PPEF2: variants seen among roughly 807,000 people sequenced by gnomAD.
PPEF2 encodes the protein protein phosphatase with EF-hand domain 2, also known as serine/threonine-protein phosphatase with EF-hands 2.
Under a neutral mutation model 84.7 loss-of-function variants are expected in PPEF2, and 84 were observed. The observed-to-expected ratio is 0.99, with a 90% CI of 0.83 to 1.19. PPEF2 has a LOEUF of 1.19. Ranked by LOEUF, PPEF2 falls within the 50% of genes most tolerant of loss-of-function variation. The pLI, the probability that PPEF2 is intolerant of heterozygous loss-of-function variation, is 0.00. For missense variants in PPEF2, 924 were observed against 937.5 expected (o/e 0.99, Z 0.19); for synonymous variants, 346 against 345.2 (o/e 1.00, Z -0.03).
chr4:75,897,891 T>C (rs1725043682), intron 1 of PPEF2, among the ~76,000 whole-genome samples: 1 of 151,852 alleles, frequency 6.6e-6, no homozygotes, highest in African/African-American at 2.4e-5. Context: ...CACACAGAAA[T>C]ATAGAGGTGC....
chr4:75,900,952 G>T (rs1165916617), intron 1 of PPEF2, among the ~76,000 whole-genome samples: 1 of 152,096 alleles, frequency 6.6e-6, no homozygotes, highest in Non-Finnish European at 1.5e-5. Flanking sequence ...TATAAAAAAA[G>T]TCAGTAAGTA....
chr4:75,871,919 A>G, intron 13 of PPEF2, 106 bp downstream of exon 13: 1 of 1,279,414 alleles, frequency 7.8e-7, no homozygotes, highest in Non-Finnish European at 1.1e-6. Context: ...CCAAATTCTG[A>G]ATTCTCACGT....
At chr4:75,900,944 TA>T (rs1263865395) in intron 1 of PPEF2, among the ~76,000 whole-genome samples, 1 of 152,036 alleles carries the variant, frequency 6.6e-6, no homozygotes, top group Non-Finnish European at 1.5e-5. Flanking sequence ...ATCATCTGTA[TA>T]AAAAAAGTCA....
chr4:75,884,890 G>A (rs1480999575), intron 7 of PPEF2, 130 bp from the exon 8 acceptor site: 14 of 745,222 alleles, frequency 1.9e-5, no homozygotes, highest in Non-Finnish European at 2.6e-5. Flanking sequence ...TCTCCTCCAA[G>A]CCTGAAATGT....
intron 8 of PPEF2, among the ~76,000 whole-genome samples, chr4:75,884,145 C>T (rs1724657408): frequency 6.6e-6 from 1 of 151,720 alleles, no homozygotes; most frequent in Non-Finnish European, 1.5e-5. Context: ...AAAAGAAAAT[C>T]TGGCTGTGTG....
chr4:75,895,265 TA>T (rs1298548619), intron 2 of PPEF2, among the ~76,000 whole-genome samples: 8 of 146,672 alleles, frequency 5.5e-5, no homozygotes, highest in African/African-American at 2.0e-4. Flanking sequence ...CCGTCTCTAC[TA>T]AAAATTCAAA....
chr4:75,880,355 C>G (rs936358316), intron 10 of PPEF2, among the ~76,000 whole-genome samples: 1 of 152,158 alleles, frequency 6.6e-6, no homozygotes, highest in Non-Finnish European at 1.5e-5. Flanking sequence ...AGGACTGAAT[C>G]CAGATAGTCT....
intron 7 of PPEF2, 118 bp from the exon 8 acceptor site, chr4:75,884,878 G>T: frequency 2.3e-6 from 2 of 853,462 alleles, no homozygotes; most frequent in Non-Finnish European, 3.6e-6. Flanking sequence ...GTGCTTTCTA[G>T]GTCTCCTCCA....
chr4:75,864,855 T>C (rs1315462122), intron 15 of PPEF2, among the ~76,000 whole-genome samples: 4 of 152,198 alleles, frequency 2.6e-5, no homozygotes, highest in Admixed American at 6.5e-5. Context: ...CATAATGAGA[T>C]ATCTTGGGTA....
chr4:75,889,550 A>G (rs184067379), intron 5 of PPEF2, among the ~76,000 whole-genome samples: 50 of 152,270 alleles, frequency 3.3e-4, no homozygotes, highest in African/African-American at 1.0e-3. Flanking sequence ...CATAGCTCTC[A>G]TCGCCTTCTA....
intron 10 of PPEF2, among the ~76,000 whole-genome samples, chr4:75,878,947 C>G (rs752212919): frequency 2.0e-5 from 3 of 152,186 alleles, no homozygotes; most frequent in African/African-American, 4.8e-5. Flanking sequence ...AGCAGACCCT[C>G]CTTGTTAGAA....
chr4:75,891,521 C>T, intron 4 of PPEF2, 127 bp downstream of exon 4: 1 of 1,107,974 alleles, frequency 9.0e-7, no homozygotes, highest in Admixed American at 2.4e-5. Context: ...CCATTTACTC[C>T]TCAGCCCCTT....
At position 75,860,234 on chromosome 4, in the gene PPEF2, G is replaced by T. The variant is rs1430591980; in HGVS notation, c.*433C>A. 1 of 180,152 alleles carries T rather than the reference G, an allele frequency of 5.6e-6. No homozygotes were observed. Among genetic ancestry groups the T allele is most frequent in the African/African-American group, 2.4e-5 (1 of 41,974 alleles). 11.2% of individuals were successfully genotyped at this position (180,152 alleles called of 1,614,324 possible). A position where few individuals can be genotyped will look rare whatever the true frequency, so the allele number is the denominator to read the frequency against. On this transcript the variant is annotated 3_prime_UTR_variant, in exon 17 of 17. Transcript: ENST00000286719. ...GTGGTGGTGCATGCCTGTAATCCCA[G>T]CTACTCAGGAGGCTGAGGCAGGAGA...
At chr4:75,898,421 C>T (rs541572645) in intron 1 of PPEF2, among the ~76,000 whole-genome samples, 2 of 152,300 alleles carry the variant, frequency 1.3e-5, no homozygotes, top group East Asian at 1.9e-4. Flanking sequence ...TTCTTTCTAT[C>T]CCACTTCTCT....
chr4:75,882,944 G>T lies in PPEF2; in HGVS notation c.915C>A (p.Asp305Glu), dbSNP rs1268398343. The T allele has an allele frequency of 8.1e-6, 13 of 1,613,024 alleles. No homozygotes were observed. Among genetic ancestry groups the T allele is most frequent in the Non-Finnish European group, 9.3e-6 (11 of 1,179,626 alleles). Residue 305 changes from aspartate to glutamate, a missense_variant, in exon 10 of 17, where the codon GAC becomes GAA. Coordinates refer to ENST00000286719, the MANE Select transcript of PPEF2 (RefSeq NM_006239.3). Reference sequence around the variant, plus strand: ...CCACTACCTTGCTCCTCTCTATTTTGTCCAAAAGCTCCAGATCAGTTATGT... The same window carrying T: ...CCACTACCTTGCTCCTCTCTATTTTTTCCAAAAGCTCCAGATCAGTTATGT... ...VSDITDLELL[D>E]KIERSKIVST...
intron 7 of PPEF2, among the ~76,000 whole-genome samples, chr4:75,885,293 A>T (rs1000537515): frequency 6.6e-6 from 1 of 152,146 alleles, no homozygotes; most frequent in African/African-American, 2.4e-5. Context: ...AAAGAAAGAA[A>T]ATCAATTGCT....
intron 2 of PPEF2, 26 bp from the exon 3 acceptor site, chr4:75,892,004 C>T (rs767612982): frequency 6.2e-7 from 1 of 1,607,092 alleles, no homozygotes; most frequent in East Asian, 2.2e-5. Context: ...AGAAGCAAGC[C>T]TGTGAGCTCG....
chr4:75,873,099 C>T, intron 12 of PPEF2, 28 bp downstream of exon 12: 2 of 1,595,646 alleles, frequency 1.3e-6, no homozygotes, highest in Non-Finnish European at 1.7e-6. Context: ...GACACACAAG[C>T]CTGTACTGCT....
At chr4:75,880,721 G>A (rs1560484008) in intron 10 of PPEF2, among the ~76,000 whole-genome samples, 1 of 152,100 alleles carries the variant, frequency 6.6e-6, no homozygotes, top group Admixed American at 6.5e-5. Context: ...CAACACTTTG[G>A]GAGGCCAAAG....
Sources: allele counts gnomAD v4.1 joint callset (sites outside exome capture counted in the v4.1 genomes callset), GRCh38; gene constraint gnomAD v4.1.1; transcripts MANE v1.5; gene names NCBI Gene and HGNC (gene_info 2026-07-23, HGNC 2026-07-21).